The following AOPEP variants were observed in gnomAD, a reference collection of about 807,000 sequenced individuals.
The protein encoded by AOPEP is aminopeptidase O.
In AOPEP, 77 loss-of-function variants were observed where a neutral mutation model predicts 98.1. That is an observed-to-expected ratio of 0.78 (90% CI 0.65 to 0.95). AOPEP has a LOEUF of 0.95. Ranked by LOEUF, AOPEP falls within the 40% of genes least tolerant of loss-of-function variation. The pLI is 0.00. For synonymous variants in AOPEP, 346 were observed against 365.3 expected, an observed-to-expected ratio of 0.95 and a Z score of 0.60; for missense variants, 1,024 against 1,024.7, an observed-to-expected ratio of 1.00 and a Z score of 0.01.
rs762175674 is a variant in AOPEP, at chr9:94,760,049, C to G, written c.266C>G (p.Thr89Ser). The stretch of plus-strand genomic sequence containing the variant: ...CATATTCCCGTGACAAATGCAAGGA[C>G]CTTCTCATCTGAAATGGAATATAAT... ...PCHIPVTNAR[T>S]FSSEMEYNDF... Residue 89 changes from threonine to serine, a missense_variant, in exon 2 of 17, where the codon ACC becomes AGC. Coordinates refer to ENST00000375315, the MANE Select transcript of AOPEP (RefSeq NM_001193329.3). 1 of 1,614,096 alleles carries G rather than the reference C, an allele frequency of 6.2e-7. No homozygotes were observed. Among genetic ancestry groups the G allele is most frequent in the Non-Finnish European group, 8.5e-7 (1 of 1,180,024 alleles).
chr9:94,807,785 C>T (rs911442598), intron 5 of AOPEP, among the ~76,000 whole-genome samples: 1 of 152,200 alleles, frequency 6.6e-6, no homozygotes, highest in African/African-American at 2.4e-5. Flanking sequence ...CTGATGTATG[C>T]ATGTGGTCAT....
chr9:94,732,068 G>A (rs10217427), intron 1 of AOPEP, among the ~76,000 whole-genome samples: 33,067 of 151,576 alleles, frequency 0.22, 5,070 homozygotes, highest in African/African-American at 0.43. Flanking sequence ...TACAGGTGTG[G>A]GTCACCCCGC....
intron 14 of AOPEP, among the ~76,000 whole-genome samples, chr9:95,077,440 G>T (rs2069195105): frequency 6.6e-6 from 1 of 152,250 alleles, no homozygotes; most frequent in Admixed American, 6.5e-5. Context: ...AGAAGAGACA[G>T]TGAGGAGTGC....
At chr9:94,753,535 A>G (rs1421926710) in intron 1 of AOPEP, among the ~76,000 whole-genome samples, 1 of 151,888 alleles carries the variant, frequency 6.6e-6, no homozygotes, top group African/African-American at 2.4e-5. Context: ...AAAATTCAAT[A>G]AAAAGCAGAA....
the AOPEP span, among the ~76,000 whole-genome samples, chr9:95,145,815 C>G: frequency 1.3e-5 from 2 of 152,138 alleles, no homozygotes; most frequent in Non-Finnish European, 2.9e-5. Flanking sequence ...TTATCACACT[C>G]AAGAGGGCGG....
intron 5 of AOPEP, among the ~76,000 whole-genome samples, chr9:94,918,163 T>C (rs2053100531): frequency 6.6e-6 from 1 of 152,164 alleles, no homozygotes; most frequent in African/African-American, 2.4e-5. Flanking sequence ...CCTAAGTACC[T>C]TTGTAAGGGC....
chr9:94,751,809 AAG>A (rs1355315109), intron 1 of AOPEP, among the ~76,000 whole-genome samples: 1 of 151,524 alleles, frequency 6.6e-6, no homozygotes, highest in Non-Finnish European at 1.5e-5. Flanking sequence ...GGTTTGTTGC[AAG>A]GGTATATTGC....
intron 5 of AOPEP, among the ~76,000 whole-genome samples, chr9:94,832,933 A>ATTT (rs564875203): frequency 7.3e-5 from 10 of 136,534 alleles, no homozygotes; most frequent in Admixed American, 2.2e-4. Flanking sequence ...TGTAAATTTG[A>ATTT]TTTTTTTTTT....
At chr9:94,957,036 C>G (rs187800655) in intron 9 of AOPEP, among the ~76,000 whole-genome samples, 1 of 152,180 alleles carries the variant, frequency 6.6e-6, no homozygotes. Context: ...GCTTGGTTGA[C>G]TGATTAGTAC....
chr9:95,095,627 G>A, the AOPEP span, among the ~76,000 whole-genome samples: 2 of 152,164 alleles, frequency 1.3e-5, no homozygotes, highest in South Asian at 2.1e-4. Flanking sequence ...TTGCTTTTGC[G>A]TTGGGCATGG....
chr9:94,790,200 A>G (rs1195728219), intron 3 of AOPEP, among the ~76,000 whole-genome samples: 2 of 142,204 alleles, frequency 1.4e-5, no homozygotes, highest in Non-Finnish European at 3.0e-5. Flanking sequence ...TTGGAGACCG[A>G]GTCTCACCCA....
At chr9:95,031,932 T>C (rs928241060) in intron 13 of AOPEP, among the ~76,000 whole-genome samples, 1 of 152,192 alleles carries the variant, frequency 6.6e-6, no homozygotes, top group African/African-American at 2.4e-5. Context: ...TTTGATTACA[T>C]GTGTTTCTGC....
chr9:95,057,533 A>G (rs928600406), intron 13 of AOPEP, among the ~76,000 whole-genome samples: 7 of 152,258 alleles, frequency 4.6e-5, no homozygotes, highest in African/African-American at 1.7e-4. Context: ...TACGGGGAGC[A>G]AATGTTTATT....
In AOPEP at chr9:94,823,506, A is replaced by T. The variant is rs35487382; in HGVS notation, c.1364+22504A>T. On this transcript the variant is annotated intron_variant, in intron 5 of 16. Coordinates refer to ENST00000375315, the MANE Select transcript of AOPEP (RefSeq NM_001193329.3). ...AATTCTAATTTGGTCCTTCTAGAGC[A>T]TGTTCACCTCCTGTAGCTTGATTCT... Among the ~76,000 whole-genome samples the T allele has an allele frequency of 3.3e-5, 5 of 152,116 alleles. No individual in the cohort carries two copies. The South Asian group carries it at 1.0e-3, about 32-fold the overall frequency.
At chr9:94,841,766 T>G (rs943837127) in intron 5 of AOPEP, among the ~76,000 whole-genome samples, 1 of 152,174 alleles carries the variant, frequency 6.6e-6, no homozygotes, top group African/African-American at 2.4e-5. Flanking sequence ...GAATATCTAC[T>G]CCTAGCTGGG....
intron 1 of AOPEP, among the ~76,000 whole-genome samples, chr9:94,751,600 A>G (rs973957816): frequency 2.0e-5 from 3 of 152,166 alleles, no homozygotes; most frequent in East Asian, 1.9e-4. Context: ...CCAGCTTTCT[A>G]TGTATCTGGG....
At chr9:94,979,470 TAA>T in intron 11 of AOPEP, 43 bp downstream of exon 11, 1 of 1,240,836 alleles carries the variant, frequency 8.1e-7, no homozygotes, top group South Asian at 1.3e-5. Flanking sequence ...TGGAGAGTAG[TAA>T]AGCTTGCTGC....
chr9:94,834,804 G>GCATA (rs1491568722), intron 5 of AOPEP, among the ~76,000 whole-genome samples: 35 of 141,820 alleles, frequency 2.5e-4, no homozygotes, highest in South Asian at 1.1e-3. Context: ...ATGCATGCAT[G>GCATA]CATGCATGCA....
At chr9:94,779,548 T>C (rs967650138) in intron 3 of AOPEP, among the ~76,000 whole-genome samples, 2 of 152,200 alleles carry the variant, frequency 1.3e-5, no homozygotes, top group Non-Finnish European at 2.9e-5. Context: ...AGACTAGATA[T>C]GAACTCTGTG....
Sources: gnomAD v4.1 joint callset for allele counts (sites outside exome capture counted in the v4.1 genomes callset) on GRCh38, gnomAD v4.1.1 for gene constraint, MANE v1.5 for transcripts, NCBI Gene and HGNC (gene_info 2026-07-23, HGNC 2026-07-21) for gene names.